Variants in ACYP2 observed in about 807,000 individuals in gnomAD.
The protein encoded by ACYP2 is acylphosphatase 2, also known as acylphosphatase-2.
A neutral mutation model predicts 11.2 loss-of-function variants in ACYP2; 12 were observed. The ratio of observed to expected loss-of-function variants is 1.08; its 90% confidence interval spans 0.69 to 1.74. The LOEUF is 1.74. Among genes scored for constraint, ACYP2 ranks in the 40% most tolerant of loss-of-function variants. The pLI is 0.00. For synonymous variants in ACYP2, 43 were observed against 32.2 expected (o/e 1.33, Z -1.13); for missense variants, 134 against 101.9 (o/e 1.31, Z -1.35).
intron 4 of ACYP2, among the ~76,000 whole-genome samples, chr2:54,108,208 T>G (rs1405871669): frequency 1.3e-5 from 2 of 152,174 alleles, no homozygotes; most frequent in Non-Finnish European, 2.9e-5. Flanking sequence ...CAATTTTAAT[T>G]CTGCTGGTGG....
At chr2:54,062,178 G>A (rs553859539) in intron 4 of ACYP2, among the ~76,000 whole-genome samples, 56 of 152,266 alleles carry the variant, frequency 3.7e-4, no homozygotes, top group African/African-American at 1.3e-3. Flanking sequence ...AACATCTGGG[G>A]GTTACAGAGT....
At chr2:54,143,759 G>T (rs904537434) in intron 6 of ACYP2, among the ~76,000 whole-genome samples, 24 of 107,268 alleles carry the variant, frequency 2.2e-4, no homozygotes, top group Non-Finnish European at 3.4e-4. Flanking sequence ...TTTTTTTTTG[G>T]GGGGGGGGTA....
At chr2:54,266,553 A>G (rs867385126) in intron 6 of ACYP2, among the ~76,000 whole-genome samples, 1 of 134,822 alleles carries the variant, frequency 7.4e-6, no homozygotes, top group Non-Finnish European at 1.6e-5. Context: ...TAGCTAGATA[A>G]AGATAGATAG....
chr2:54,113,851 G>A (rs999597276), intron 4 of ACYP2, among the ~76,000 whole-genome samples: 1 of 151,924 alleles, frequency 6.6e-6, no homozygotes, highest in Non-Finnish European at 1.5e-5. Flanking sequence ...AGGTAGTGGA[G>A]GCTGAAGACC....
chr2:54,244,634 C>T (rs1686872260), intron 6 of ACYP2, among the ~76,000 whole-genome samples: 1 of 152,130 alleles, frequency 6.6e-6, no homozygotes, highest in Non-Finnish European at 1.5e-5. Flanking sequence ...AGGAATACAC[C>T]TTCAACTATT....
At chr2:54,118,484 G>T (rs1268182060) in intron 4 of ACYP2, among the ~76,000 whole-genome samples, 4 of 152,220 alleles carry the variant, frequency 2.6e-5, no homozygotes, top group Non-Finnish European at 5.9e-5. Flanking sequence ...GGACAAAACA[G>T]GTGCACAGAG....
At chr2:54,263,202 C>T (rs1015463720) in intron 6 of ACYP2, among the ~76,000 whole-genome samples, 41 of 152,014 alleles carry the variant, frequency 2.7e-4, no homozygotes, top group Admixed American at 7.9e-4. Context: ...ACAATCATGG[C>T]GGAAGGCAAA....
chr2:54,240,347 C>T (rs1686679927), intron 6 of ACYP2, among the ~76,000 whole-genome samples: 1 of 152,110 alleles, frequency 6.6e-6, no homozygotes, highest in South Asian at 2.1e-4. Context: ...ATGCAGGAAT[C>T]ATTCTGCATA....
chr2:54,183,411 A>T (rs573708862), intron 6 of ACYP2, among the ~76,000 whole-genome samples: 2 of 152,266 alleles, frequency 1.3e-5, no homozygotes, highest in East Asian at 3.9e-4. Flanking sequence ...TTATGCCTGT[A>T]ATCTCAGCAC....
intron 4 of ACYP2, among the ~76,000 whole-genome samples, chr2:54,121,148 CA>C (rs1680133364): frequency 6.6e-6 from 1 of 152,282 alleles, no homozygotes; most frequent in African/African-American, 2.4e-5. Flanking sequence ...GTGAACAAGG[CA>C]GAGAAGAATT....
intron 6 of ACYP2, among the ~76,000 whole-genome samples, chr2:54,290,661 C>T (rs2104141761): frequency 1.3e-5 from 2 of 152,206 alleles, no homozygotes; most frequent in South Asian, 4.1e-4. Flanking sequence ...TAGTAGTTCT[C>T]TATCGGCTAA....
intron 2 of ACYP2, among the ~76,000 whole-genome samples, chr2:54,018,898 C>T (rs538333002): frequency 2.0e-5 from 3 of 151,882 alleles, no homozygotes; most frequent in Non-Finnish European, 4.4e-5. Context: ...CAGGTGTGCA[C>T]CACCACACCT....
At chr2:53,977,995 C>T (rs1573429879) in intron 2 of ACYP2, among the ~76,000 whole-genome samples, 1 of 152,134 alleles carries the variant, frequency 6.6e-6, no homozygotes, top group Admixed American at 6.5e-5. Context: ...GGCATGGTGG[C>T]TCACGCCTGT....
rs145039258 is a variant in ACYP2, at chr2:53,988,804, G to A, written c.62+14994G>A. On this transcript the variant is annotated intron_variant, in intron 2 of 6. Transcript: ENST00000607452. The stretch of plus-strand genomic sequence containing the variant: ...TCTGTCACCTGGGCTGGAGTGCAGT[G>A]GCATGATCTTGGGTCACTGCAACCT... 4.8e-3 allele frequency among the ~76,000 whole-genome samples: 733 copies of A among 151,998 alleles called. 7 individuals carry two copies. The highest frequency in any genetic ancestry group is 0.017 in the African/African-American group (694 of 41,430).
intron 2 of ACYP2, among the ~76,000 whole-genome samples, chr2:54,010,737 CTTT>C (rs539896151): frequency 0.015 from 1,562 of 107,650 alleles, 75 homozygotes; most frequent in African/African-American, 0.052. Context: ...TTCTTTCTTT[CTTT>C]TTTTTTTTTT....
intron 6 of ACYP2, among the ~76,000 whole-genome samples, chr2:54,239,253 G>C (rs17045704): frequency 0.22 from 33,456 of 151,906 alleles, 4,116 homozygotes; most frequent in East Asian, 0.39. Flanking sequence ...GGACTGTTCT[G>C]CTTTTCCAGG....
intron 6 of ACYP2, among the ~76,000 whole-genome samples, chr2:54,188,113 A>G (rs1184351884): frequency 6.6e-6 from 1 of 152,166 alleles, no homozygotes; most frequent in Non-Finnish European, 1.5e-5. Context: ...AAATTATCCA[A>G]TCTCAGGTAT....
At chr2:54,092,986 T>C (rs1198473418) in intron 4 of ACYP2, among the ~76,000 whole-genome samples, 1 of 152,114 alleles carries the variant, frequency 6.6e-6, no homozygotes, top group Non-Finnish European at 1.5e-5. Flanking sequence ...TCGTTCAGAG[T>C]AGACAACTCT....
At chr2:54,152,649 T>A (rs1682233395) in intron 6 of ACYP2, among the ~76,000 whole-genome samples, 1 of 152,334 alleles carries the variant, frequency 6.6e-6, no homozygotes, top group South Asian at 2.1e-4. Flanking sequence ...AATAATATAG[T>A]ATATATTTTC....
Sources: allele counts gnomAD v4.1 joint callset (sites outside exome capture counted in the v4.1 genomes callset), GRCh38; gene constraint gnomAD v4.1.1; transcripts MANE v1.5; gene names NCBI Gene and HGNC (gene_info 2026-07-23, HGNC 2026-07-21).